Variants in AGBL1 observed in about 807,000 individuals in gnomAD.
AGBL1 encodes AGBL carboxypeptidase 1.
AGBL1 carries 130 observed loss-of-function variants against 118.9 expected under a neutral mutation model. That is an observed-to-expected ratio of 1.09 (90% CI 0.95 to 1.26). The LOEUF is 1.26. Ranked by LOEUF, AGBL1 falls within the 50% of genes most tolerant of loss-of-function variation. The pLI is 0.00. For missense variants in AGBL1, 1,584 were observed against 1,298.1 expected (o/e 1.22, Z -3.38); for synonymous variants, 555 against 478.9 (o/e 1.16, Z -2.08).
At position 86,658,732 on chromosome 15, in the gene AGBL1, G is replaced by A. The variant is rs116561046; in HGVS notation, c.2995-15541G>A. On this transcript the variant is annotated intron_variant, in intron 21 of 22. Transcript: ENST00000614907. ...ATAGCCAGAGTTCCTAGGCTGGTGG[G>A]TGTTTCTGATATTTGGCCCATAACC... 5.0e-3 allele frequency among the ~76,000 whole-genome samples: 758 copies of A among 152,182 alleles called. 4 individuals carry two copies. The highest frequency in any genetic ancestry group is 0.017 in the African/African-American group (711 of 41,502).
At chr15:87,006,627 C>T (rs980224005) in intron 24 of AGBL1, among the ~76,000 whole-genome samples, 2 of 152,142 alleles carry the variant, frequency 1.3e-5, no homozygotes, top group Non-Finnish European at 1.5e-5. Context: ...ATTCCCTGAC[C>T]CCTTGCACTT....
intron 17 of AGBL1, among the ~76,000 whole-genome samples, chr15:86,389,501 A>C (rs542536427): frequency 1.3e-5 from 2 of 152,324 alleles, no homozygotes; most frequent in African/African-American, 4.8e-5. Context: ...CTGCCAGCAG[A>C]TTCATATCAG....
At chr15:86,817,747 T>G (rs2078885922) in intron 22 of AGBL1, among the ~76,000 whole-genome samples, 1 of 152,034 alleles carries the variant, frequency 6.6e-6, no homozygotes, top group Middle Eastern at 3.4e-3. Context: ...AAGCCCTGAT[T>G]CCCACTCTCA....
intron 18 of AGBL1, among the ~76,000 whole-genome samples, chr15:86,494,608 C>T (rs193054519): frequency 2.2e-4 from 33 of 152,128 alleles, no homozygotes; most frequent in African/African-American, 7.0e-4. Context: ...TATCACCTAC[C>T]GATCAGGCTC....
intron 21 of AGBL1, among the ~76,000 whole-genome samples, chr15:86,639,746 G>A (rs1827457868): frequency 6.6e-6 from 1 of 152,186 alleles, no homozygotes; most frequent in Non-Finnish European, 1.5e-5. Context: ...GGGGAGTGGA[G>A]GAGAGCAATG....
At chr15:86,407,836 C>T (rs187843803) in intron 18 of AGBL1, among the ~76,000 whole-genome samples, 6 of 152,202 alleles carry the variant, frequency 3.9e-5, no homozygotes, top group Admixed American at 3.3e-4. Context: ...ACTCTTGGAT[C>T]ATGTGGGGGA....
Position 86,756,596 on chromosome 15 carries a change from C to T in AGBL1, c.3158+82160C>T, listed in dbSNP as rs182720522. ...GAAGATTTCCCATAGTAGCTGATTC[C>T]TAAATGAAGATGAGGAGTTCTGAGG... On this transcript the variant is annotated intron_variant, in intron 22 of 22. Transcript: ENST00000614907. Among the ~76,000 whole-genome samples the T allele has an allele frequency of 6.8e-4, 104 of 152,124 alleles. No individual in the cohort carries two copies. The East Asian group carries it at 0.018, about 27-fold the overall frequency.
intron 1 of AGBL1, among the ~76,000 whole-genome samples, chr15:86,080,522 C>T (rs1895196921): frequency 6.6e-6 from 1 of 152,192 alleles, no homozygotes; most frequent in South Asian, 2.1e-4. Flanking sequence ...TGCATTTTCC[C>T]AGGCAGGATC....
chr15:86,638,391 C>T (rs1396617737), intron 21 of AGBL1, among the ~76,000 whole-genome samples: 1 of 152,180 alleles, frequency 6.6e-6, no homozygotes, highest in Non-Finnish European at 1.5e-5. Flanking sequence ...TTTTCACTTG[C>T]ATCTGTATCA....
chr15:86,983,134 TTAC>T (rs1184682078), intron 23 of AGBL1, among the ~76,000 whole-genome samples: 1 of 152,212 alleles, frequency 6.6e-6, no homozygotes, highest in African/African-American at 2.4e-5. Flanking sequence ...ATTTCCATGA[TTAC>T]TATTGAGTTG....
intron 24 of AGBL1, among the ~76,000 whole-genome samples, chr15:86,994,885 G>T (rs1596719053): frequency 1.3e-5 from 2 of 152,234 alleles, no homozygotes; most frequent in Admixed American, 1.3e-4. Context: ...ATACTGTGGG[G>T]TGAAGTAAAA....
At chr15:86,375,257 C>T (rs551771372) in intron 17 of AGBL1, among the ~76,000 whole-genome samples, 1 of 152,176 alleles carries the variant, frequency 6.6e-6, no homozygotes, top group South Asian at 2.1e-4. Flanking sequence ...GGCAAGGCCT[C>T]AGGACACTTA....
chr15:86,622,582 AATG>A (rs1567087903), intron 21 of AGBL1, among the ~76,000 whole-genome samples: 2 of 152,132 alleles, frequency 1.3e-5, no homozygotes, highest in Non-Finnish European at 2.9e-5. Flanking sequence ...TGGCAGGAGA[AATG>A]ATGACCTTTG....
chr15:86,866,046 T>A (rs893319865), intron 22 of AGBL1, among the ~76,000 whole-genome samples: 1 of 152,246 alleles, frequency 6.6e-6, no homozygotes, highest in Non-Finnish European at 1.5e-5. Context: ...TCCCCCCAAG[T>A]TGCACTGTAA....
intron 5 of AGBL1, among the ~76,000 whole-genome samples, chr15:86,186,936 C>T (rs1487060544): frequency 6.6e-6 from 1 of 152,202 alleles, no homozygotes; most frequent in Non-Finnish European, 1.5e-5. Context: ...CTTCATTATA[C>T]AACACACACT....
intron 22 of AGBL1, among the ~76,000 whole-genome samples, chr15:86,707,449 G>A (rs2086472195): frequency 6.6e-6 from 1 of 151,992 alleles, no homozygotes; most frequent in Non-Finnish European, 1.5e-5. Context: ...GTTTTTCCCA[G>A]CTCTGTAGAG....
Position 86,196,879 on chromosome 15 carries a change from GCACACACACACACACA to G in AGBL1, c.489-28003_489-27988del, listed in dbSNP as rs59632011. 2.0e-3 allele frequency among the ~76,000 whole-genome samples: 229 copies of G among 117,014 alleles called. 4 individuals are homozygous for G. The highest frequency in any genetic ancestry group is 6.7e-3 in the African/African-American group (184 of 27,662). The allele number at this position is 117,014 out of a possible 152,430, so 76.8% of individuals were successfully genotyped here. Reference sequence around the variant, plus strand: ...CGAATGTGCACATGTGCGCGCGCGCGCACACACACACACACACACACACACACACACACACACACAC... The same window carrying G: ...CGAATGTGCACATGTGCGCGCGCGCGCACACACACACACACACACACACAC... On this transcript the variant is annotated intron_variant, in intron 5 of 22. Coordinates refer to ENST00000614907, the MANE Select transcript of AGBL1 (RefSeq NM_001386094.1).
chr15:86,658,656 A>G lies in AGBL1; in HGVS notation c.2995-15617A>G, dbSNP rs2085496150. Among the ~76,000 whole-genome samples the G allele has an allele frequency of 5.9e-5, 9 of 152,338 alleles. No individual in the cohort carries two copies. In the South Asian group the frequency reaches 1.9e-3, roughly 32 times the overall value. ...ACTCTTACTTTGACACATAGGTATC[A>G]GCAACACTCAGGATTGCAAATCTTA... On this transcript the variant is annotated intron_variant, in intron 21 of 22. Coordinates refer to ENST00000614907, the MANE Select transcript of AGBL1 (RefSeq NM_001386094.1).
chr15:86,706,687 C>T (rs1197628618), intron 22 of AGBL1, among the ~76,000 whole-genome samples: 3 of 152,106 alleles, frequency 2.0e-5, no homozygotes, highest in Non-Finnish European at 2.9e-5. Flanking sequence ...TGCTGTTCTC[C>T]TTACAAGACA....
Sources: allele counts gnomAD v4.1 joint callset (sites outside exome capture counted in the v4.1 genomes callset), GRCh38; gene constraint gnomAD v4.1.1; transcripts MANE v1.5; gene names NCBI Gene and HGNC (gene_info 2026-07-23, HGNC 2026-07-21).